TMEM143: variants seen among roughly 807,000 people sequenced by gnomAD.
The protein encoded by TMEM143 is transmembrane protein 143.
Under a neutral mutation model 40.3 loss-of-function variants are expected in TMEM143, and 45 were observed. The ratio of observed to expected loss-of-function variants is 1.12; its 90% CI spans 0.88 to 1.43. The LOEUF (loss-of-function observed/expected upper bound fraction) is 1.43, where lower values mean the gene tolerates loss of function less well. Ranked by LOEUF, TMEM143 falls within the 40% of genes most tolerant of loss-of-function variation. TMEM143 has a pLI of 0.00. For synonymous variants in TMEM143, 299 were observed against 282.7 expected, an observed-to-expected ratio of 1.06 and a Z score of -0.58; for missense variants, 620 against 613.4, an observed-to-expected ratio of 1.01 and a Z score of -0.11.
At chr19:48,353,421 C>G (rs1275266257) in intron 3 of TMEM143, among the ~76,000 whole-genome samples, 1 of 151,542 alleles carries the variant, frequency 6.6e-6, no homozygotes, top group Non-Finnish European at 1.5e-5. Context: ...TGACCTCAAG[C>G]AATCCACCCG....
chr19:48,341,853 C>T (rs1303770437), intron 6 of TMEM143, among the ~76,000 whole-genome samples: 1 of 152,016 alleles, frequency 6.6e-6, no homozygotes, highest in African/African-American at 2.4e-5. Flanking sequence ...GCTGTCAACC[C>T]TTATGTAGCC....
At chr19:48,343,911 T>C (rs1449200530) in intron 4 of TMEM143, among the ~76,000 whole-genome samples, 1 of 152,174 alleles carries the variant, frequency 6.6e-6, no homozygotes, top group East Asian at 1.9e-4. Flanking sequence ...TTTTGAGATA[T>C]TGTCTCACTC....
chr19:48,340,604 G>A (rs1307095140), intron 6 of TMEM143, among the ~76,000 whole-genome samples: 1 of 152,042 alleles, frequency 6.6e-6, no homozygotes, highest in Non-Finnish European at 1.5e-5. Flanking sequence ...AGCCTGACAG[G>A]CTCCATAGCA....
intron 6 of TMEM143, among the ~76,000 whole-genome samples, chr19:48,335,784 C>T (rs1969354160): frequency 6.6e-6 from 1 of 152,130 alleles, no homozygotes; most frequent in African/African-American, 2.4e-5. Flanking sequence ...GTCCCAGCTA[C>T]TCATGAGGCT....
chr19:48,352,918 C>A (rs11083930), intron 3 of TMEM143, among the ~76,000 whole-genome samples: 10 of 151,930 alleles, frequency 6.6e-5, no homozygotes, highest in Non-Finnish European at 1.3e-4. Flanking sequence ...TGCCTGGCCA[C>A]GTATACTTTA....
rs913757012 is a variant in TMEM143 at position 48,336,363 on chromosome 19, CA to C, written c.976-2167del. Among the ~76,000 whole-genome samples the C allele has an allele frequency of 5.7e-3, 805 of 140,982 alleles. 6 individuals carry two copies. The highest frequency in any genetic ancestry group is 7.4e-3 in the Middle Eastern group (2 of 272). 92.5% of individuals were successfully genotyped at this position (140,982 alleles called of 152,430 possible). ...TGAAACCTTGTCTCTACTAAAAATA[CA>C]AAAAAAAAAAATTAGTCAGGTATGG... On this transcript the variant is annotated intron_variant, in intron 6 of 7. Transcript: ENST00000293261.
At chr19:48,335,918 AAAGAG>A (rs1434053270) in intron 6 of TMEM143, among the ~76,000 whole-genome samples, 10 of 151,966 alleles carry the variant, frequency 6.6e-5, no homozygotes. Flanking sequence ...GTTAAATTGT[AAAGAG>A]AAGAGGAGAG....
chr19:48,335,150 T>C (rs1438499058), intron 6 of TMEM143, among the ~76,000 whole-genome samples: 2 of 152,208 alleles, frequency 1.3e-5, no homozygotes, highest in African/African-American at 2.4e-5. Context: ...AGTAGGACAG[T>C]GGAGGTCTTC....
Position 48,333,532 on chromosome 19 carries a change from T to A in TMEM143, c.1166-99A>T. 1.2e-6 allele frequency: 1 copy of A among 804,698 alleles called. No homozygotes were observed. The highest frequency in any genetic ancestry group is 2.0e-6 in the Non-Finnish European group (1 of 507,794). 49.8% of individuals were successfully genotyped at this position (804,698 alleles called of 1,614,324 possible). On this transcript the variant is annotated intron_variant, in intron 7 of 7. Transcript: ENST00000293261. The surrounding 1 kb of genome is among the most constrained non-coding windows in gnomAD (Gnocchi z 4.1). ...CGTAGGGCAAAGAACAGGAAGGGCC[T>A]GGGTTTGGGAGAAGCCTAGGAGTGA...
chr19:48,334,304 G>C, intron 6 of TMEM143, 107 bp from the exon 7 acceptor site: 1 of 1,257,880 alleles, frequency 7.9e-7, no homozygotes, highest in Non-Finnish European at 1.1e-6. Flanking sequence ...TTACTCCCCT[G>C]AGGAGGCGGG....
chr19:48,333,181 T>C lies in TMEM143; in HGVS notation c.*38A>G. 7.1e-7 allele frequency: 1 copy of C among 1,399,302 alleles called. No homozygotes were observed. The highest frequency in any genetic ancestry group is 2.5e-5 in the East Asian group (1 of 39,698). 86.7% of individuals were successfully genotyped at this position (1,399,302 alleles called of 1,614,324 possible). A position where few individuals can be genotyped will look rare whatever the true frequency, so the allele number is the denominator to read the frequency against. On this transcript the variant is annotated 3_prime_UTR_variant, in exon 8 of 8. Coordinates refer to ENST00000293261, the MANE Select transcript of TMEM143 (RefSeq NM_018273.4). This position sits in a 1 kb window ranked among gnomAD's most constrained non-coding sequence, Gnocchi z 4.1. ...CTGTCGTGAAGGAGGCGGGGCTTAGTTCCTAGCCTGCTGACTGGGCAGGGA... is the reference window on the plus strand; with the variant it reads ...CTGTCGTGAAGGAGGCGGGGCTTAGCTCCTAGCCTGCTGACTGGGCAGGGA...
At chr19:48,334,497 GTTCTTTCTTTCTT>G (rs1232777460) in intron 6 of TMEM143, among the ~76,000 whole-genome samples, 2 of 45,616 alleles carry the variant, frequency 4.4e-5, no homozygotes, top group Non-Finnish European at 4.6e-5. Context: ...TCTTTCTTTC[GTTCTTTCTTTCTT>G]TTCTTTCTTT....
At chr19:48,338,143 C>G (rs1969412901) in intron 6 of TMEM143, among the ~76,000 whole-genome samples, 1 of 152,168 alleles carries the variant, frequency 6.6e-6, no homozygotes, top group Non-Finnish European at 1.5e-5. Context: ...TGGCACCATC[C>G]TTGCTCCCCC....
chr19:48,336,587 C>A lies in TMEM143; in HGVS notation c.976-2390G>T, dbSNP rs141690397. On this transcript the variant is annotated intron_variant, in intron 6 of 7. Coordinates refer to ENST00000293261, the MANE Select transcript of TMEM143 (RefSeq NM_018273.4). Reference sequence around the variant, plus strand: ...GTGTGTGTCATGTGCCTGTAATTCCCGCTACTCAGGAGGCTGAGGCAAGAG... The same window carrying A: ...GTGTGTGTCATGTGCCTGTAATTCCAGCTACTCAGGAGGCTGAGGCAAGAG... Among the ~76,000 whole-genome samples, 232 of 151,832 alleles carry A rather than the reference C, an allele frequency of 1.5e-3. 1 individual carries two copies. The highest frequency in any genetic ancestry group is 5.3e-3 in the African/African-American group (220 of 41,430).
At chr19:48,345,469 T>TATTTATTC in intron 3 of TMEM143, 115 bp from the exon 4 acceptor site, 2 of 679,118 alleles carry the variant, frequency 2.9e-6, no homozygotes, top group Non-Finnish European at 2.0e-6. Flanking sequence ...TTTATTTATT[T>TATTTATTC]ATTTTATTGA....
At chr19:48,348,355 A>G (rs1969692366) in intron 3 of TMEM143, among the ~76,000 whole-genome samples, 1 of 152,034 alleles carries the variant, frequency 6.6e-6, no homozygotes, top group Non-Finnish European at 1.5e-5. Flanking sequence ...TCCACCTTCA[A>G]GCAGACCGCA....
At chr19:48,355,703 C>T (rs1460130725) in intron 3 of TMEM143, among the ~76,000 whole-genome samples, 1 of 152,204 alleles carries the variant, frequency 6.6e-6, no homozygotes, top group Non-Finnish European at 1.5e-5. Context: ...GTTGTCCAAA[C>T]CCCGCACATT....
In TMEM143 at chr19:48,343,427, CAT is replaced by C; in HGVS notation, c.587_588del (p.Tyr196CysfsTer40). On this transcript the variant is annotated frameshift_variant, in exon 5 of 8. Transcript: ENST00000293261. LOFTEE classifies it high-confidence loss of function. ...EVQVTVNLDQ[Y>X]VYIHFWALGQ... ...CCCAGGGCCCAGAAGTGAATGTAGA[CAT>C]ACTGATCCAAATTTACTGTCACCTG... 1 of 1,583,878 alleles carries C rather than the reference CAT, an allele frequency of 6.3e-7. No individual in the cohort carries two copies. Among genetic ancestry groups the C allele is most frequent in the Non-Finnish European group, 8.6e-7 (1 of 1,164,566 alleles).
intron 6 of TMEM143, among the ~76,000 whole-genome samples, chr19:48,340,453 G>T (rs551643070): frequency 6.6e-6 from 1 of 151,568 alleles, no homozygotes; most frequent in African/African-American, 2.4e-5. Flanking sequence ...TTTTTGATTT[G>T]GGGTTTCACT....
Sources: gnomAD v4.1 joint callset for allele counts (sites outside exome capture counted in the v4.1 genomes callset) on GRCh38, gnomAD v4.1.1 for gene constraint, Gnocchi (gnomAD v3.1) non-coding constraint, MANE v1.5 for transcripts, NCBI Gene and HGNC (gene_info 2026-07-23, HGNC 2026-07-21) for gene names.